Variants in SPDYE3 observed in about 807,000 individuals in gnomAD.
The protein encoded by SPDYE3 is speedy protein E3.
SPDYE3 carries 15 observed loss-of-function variants against 55.0 expected under a neutral mutation model. The ratio of observed to expected loss-of-function variants is 0.27; its 90% confidence interval spans 0.18 to 0.42. The LOEUF (loss-of-function observed/expected upper bound fraction) is 0.42, where lower values mean the gene tolerates loss of function less well. Ranked by LOEUF, SPDYE3 falls within the 10% of genes least tolerant of loss-of-function variation. The pLI is 1.00. For missense variants in SPDYE3, 236 were observed against 576.7 expected (o/e 0.41, Z 6.05); for synonymous variants, 89 against 229.9 (o/e 0.39, Z 5.55).
intron 6 of SPDYE3, among the ~76,000 whole-genome samples, chr7:100,315,414 C>T (rs894481368): frequency 3.3e-5 from 5 of 152,202 alleles, no homozygotes; most frequent in Non-Finnish European, 7.3e-5. Flanking sequence ...GTGTCTCCAT[C>T]CATAGTGGGG....
intron 8 of SPDYE3, 89 bp downstream of exon 8, chr7:100,317,244 A>T: frequency 8.0e-7 from 1 of 1,254,936 alleles, no homozygotes; most frequent in Non-Finnish European, 1.2e-6. Context: ...TTATTCTTTC[A>T]CCTATTTGTC....
rs1789592652 is a variant in SPDYE3 at position 100,322,126 on chromosome 7, A to G, written c.*1281A>G. On this transcript the variant is annotated 3_prime_UTR_variant, in exon 11 of 11. Transcript: ENST00000332397. ...TTTATCTATGATACTTAGTTAATGTATATATTACATTTATAGCTATGTGGT... is the reference window on the plus strand; with the variant it reads ...TTTATCTATGATACTTAGTTAATGTGTATATTACATTTATAGCTATGTGGT... The G allele has an allele frequency of 6.6e-6, 1 of 152,032 alleles. No homozygotes were observed. The highest frequency in any genetic ancestry group is 1.5e-5 in the Non-Finnish European group (1 of 68,006). 9.4% of individuals were successfully genotyped at this position (152,032 alleles called of 1,614,324 possible).
intron 10 of SPDYE3, chr7:100,320,688 A>C (rs1789562377): frequency 9.3e-7 from 1 of 1,070,294 alleles, no homozygotes; most frequent in Admixed American, 4.3e-5. Flanking sequence ...GGGTGTATTA[A>C]GTTTTGGAGT....
At chr7:100,320,735 G>A (rs1420901540) in intron 10 of SPDYE3, 156 bp from the exon 11 acceptor site, 107 of 1,095,050 alleles carry the variant, frequency 9.8e-5, no homozygotes, top group Non-Finnish European at 1.2e-4. Flanking sequence ...AGTTGAACAC[G>A]ATGGTTCAGA....
chr7:100,316,597 G>C (rs1398269839), intron 7 of SPDYE3, among the ~76,000 whole-genome samples: 1 of 152,136 alleles, frequency 6.6e-6, no homozygotes, highest in Non-Finnish European at 1.5e-5. Context: ...GCTATTCTTT[G>C]TCTTTTTATG....
chr7:100,309,757 T>C (rs1423024097), intron 2 of SPDYE3, among the ~76,000 whole-genome samples: 2 of 126,560 alleles, frequency 1.6e-5, no homozygotes, highest in African/African-American at 5.8e-5. Context: ...AAAAGAAGGG[T>C]CAGAGGTCAG....
chr7:100,317,438 C>T (rs1344920123), intron 8 of SPDYE3, among the ~76,000 whole-genome samples: 2 of 152,006 alleles, frequency 1.3e-5, no homozygotes, highest in African/African-American at 2.4e-5. Context: ...AACCCCGTCT[C>T]TACTAAAAAT....
chr7:100,312,979 T>G, intron 4 of SPDYE3, among the ~76,000 whole-genome samples, 161 bp from the exon 5 acceptor site: 6 of 135,458 alleles, frequency 4.4e-5, no homozygotes, highest in Admixed American at 1.5e-4. Context: ...GGGGAAGGAG[T>G]GGCACATGGG....
At chr7:100,317,537 G>A (rs1186593346) in intron 8 of SPDYE3, among the ~76,000 whole-genome samples, 1 of 151,950 alleles carries the variant, frequency 6.6e-6, no homozygotes, top group East Asian at 1.9e-4. Flanking sequence ...CCCAGGAGGT[G>A]GAGGTTGCAG....
intron 10 of SPDYE3, 179 bp downstream of exon 10, chr7:100,320,214 A>T (rs1789547769): frequency 1.5e-6 from 2 of 1,323,306 alleles, no homozygotes; most frequent in South Asian, 2.9e-5. Context: ...ACTACTCAAG[A>T]GGCTGAGGCA....
chr7:100,314,237 C>G (rs1290469313), intron 5 of SPDYE3, among the ~76,000 whole-genome samples: 1 of 126,126 alleles, frequency 7.9e-6, no homozygotes, highest in African/African-American at 3.0e-5. Context: ...CCACTACACT[C>G]CAGCCTGGGT....
Position 100,307,860 on chromosome 7 carries a change from A to G in SPDYE3, c.-26A>G. 1 of 1,559,818 alleles carries G rather than the reference A, an allele frequency of 6.4e-7. No individual in the cohort carries two copies. Among genetic ancestry groups the G allele is most frequent in the South Asian group, 1.2e-5 (1 of 86,194 alleles). On this transcript the variant is annotated 5_prime_UTR_variant, in exon 1 of 11. Transcript: ENST00000332397. ...GACAGAACAGAGACTAGCTTCGGTG[A>G]GATTGGACAGATTTTGGGAAAGATC...
Position 100,308,141 on chromosome 7 carries a change from C to A in SPDYE3, c.106+150C>A, listed in dbSNP as rs558542658. ...GGTCAGCAGTTCAAGACCAGCCTGG[C>A]CAACATGGTGAAACCCCATCTCTAC... On this transcript the variant is annotated intron_variant, in intron 1 of 10. Coordinates refer to ENST00000332397, the MANE Select transcript of SPDYE3 (RefSeq NM_001004351.5). The A allele has an allele frequency of 2.0e-4, 209 of 1,047,042 alleles. No individual in the cohort carries two copies. The African/African-American group carries it at 3.0e-3, about 15-fold the overall frequency. 64.9% of individuals were successfully genotyped at this position (1,047,042 alleles called of 1,614,324 possible).
intron 8 of SPDYE3, among the ~76,000 whole-genome samples, chr7:100,317,864 T>C (rs961710052): frequency 1.4e-5 from 2 of 146,496 alleles, no homozygotes; most frequent in Non-Finnish European, 3.0e-5. Flanking sequence ...TAGTCCCAGC[T>C]ACTCGGGAGG....
Position 100,319,800 on chromosome 7 carries a change from T to A in SPDYE3, c.1582T>A (p.Leu528Met). 1 of 1,613,168 alleles carries A rather than the reference T, an allele frequency of 6.2e-7. No homozygotes were observed. The highest frequency in any genetic ancestry group is 8.5e-7 in the Non-Finnish European group (1 of 1,179,762). ...CAGGGCTTGGGTTTCCCCGGAGGAG[T>A]TGGAGGAGGTGGGTGGGGCCTGGGG... ...RCRAWVSPEE[L>M]EEIQAYDPEH... Residue 528 changes from leucine (L) to methionine (M), a missense_variant, in exon 9 of 11, where the codon TTG becomes ATG. Physicochemically the swap from Leu to Met is conservative, Grantham distance 15. Coordinates refer to ENST00000332397, the MANE Select transcript of SPDYE3 (RefSeq NM_001004351.5).
At chr7:100,311,502 A>T (rs1160078276) in intron 3 of SPDYE3, among the ~76,000 whole-genome samples, 1 of 139,130 alleles carries the variant, frequency 7.2e-6, no homozygotes, top group Non-Finnish European at 1.6e-5. Context: ...AAAAAAAAAA[A>T]GAGGGCCTCA....
chr7:100,321,162 G>C lies in SPDYE3; in HGVS notation c.*317G>C. The C allele has an allele frequency of 3.9e-6, 2 of 516,728 alleles. No individual in the cohort carries two copies. 32.0% of individuals were successfully genotyped at this position (516,728 alleles called of 1,614,324 possible). A position where few individuals can be genotyped will look rare whatever the true frequency, so the allele number is the denominator to read the frequency against. On this transcript the variant is annotated 3_prime_UTR_variant, in exon 11 of 11. Transcript: ENST00000332397. ...GCACCACCTCCCTTTTTATATTGCT[G>C]AATGCCAACCTCCCTGGGGCGGAAC...
Position 100,319,693 on chromosome 7 carries a change from T to C in SPDYE3, c.1475T>C (p.Met492Thr), listed in dbSNP as rs201228230. ...CATTGGTTCCAGTTATGCCGTCCCATGAACCCGAGGGCCAGGAAGAACTGC... is the reference window on the plus strand; with the variant it reads ...CATTGGTTCCAGTTATGCCGTCCCACGAACCCGAGGGCCAGGAAGAACTGC... Reference protein sequence around the residue: ...PKHWFQLCRPMNPRARKNCSQ... With the variant: ...PKHWFQLCRPTNPRARKNCSQ... Residue 492 changes from methionine to threonine, a missense_variant, in exon 9 of 11, where the codon ATG becomes ACG. By Grantham distance (81) the Met-to-Thr change is moderately conservative. Transcript: ENST00000332397. 2.4e-5 allele frequency: 39 copies of C among 1,614,214 alleles called. No homozygotes were observed. Among genetic ancestry groups the C allele is most frequent in the Admixed American group, 2.2e-4 (13 of 60,018 alleles).
intron 6 of SPDYE3, among the ~76,000 whole-genome samples, chr7:100,315,572 C>G (rs1806083505): frequency 6.6e-6 from 1 of 152,072 alleles, no homozygotes; most frequent in African/African-American, 2.4e-5. Flanking sequence ...ATTCTCACAC[C>G]CAGGGCCTCC....
Sources: gnomAD v4.1 joint callset for allele counts (sites outside exome capture counted in the v4.1 genomes callset) on GRCh38, gnomAD v4.1.1 for gene constraint, MANE v1.5 for transcripts, NCBI Gene and HGNC (gene_info 2026-07-23, HGNC 2026-07-21) for gene names.